SOX6: variants seen among roughly 807,000 people sequenced by gnomAD.
SOX6 encodes SRY-box transcription factor 6, also known as transcription factor SOX-6.
SOX6 carries 11 observed loss-of-function variants against 97.8 expected under a neutral mutation model. The observed-to-expected ratio is 0.11, with a 90% CI of 0.07 to 0.19. The LOEUF (loss-of-function observed/expected upper bound fraction) is 0.19. Among genes scored for constraint, SOX6 ranks in the 10% least tolerant of loss-of-function variants. SOX6 has a pLI of 1.00. For missense variants in SOX6, 810 were observed against 1,039.5 expected (o/e 0.78, Z 3.04); for synonymous variants, 360 against 371.4 (o/e 0.97, Z 0.35).
intron 6 of SOX6, among the ~76,000 whole-genome samples, chr11:16,129,518 G>A (rs1378306): frequency 6.6e-6 from 1 of 152,026 alleles, no homozygotes; most frequent in Non-Finnish European, 1.5e-5. Flanking sequence ...ATTTTCCCAA[G>A]GGTTAAGGTA....
chr11:16,054,051 C>T (rs1390749651), intron 10 of SOX6, among the ~76,000 whole-genome samples: 3 of 152,086 alleles, frequency 2.0e-5, no homozygotes. Context: ...CCAGAGAGAT[C>T]TCTAAGAATT....
At chr11:16,550,705 T>A (rs2133184438) in intron 4 of SOX6, among the ~76,000 whole-genome samples, 1 of 152,168 alleles carries the variant, frequency 6.6e-6, no homozygotes, top group East Asian at 1.9e-4. Context: ...CAAAAAGCAG[T>A]AAGGAAGAAA....
At chr11:16,471,386 A>T (rs2133115982) in intron 1 of SOX6, among the ~76,000 whole-genome samples, 1 of 152,254 alleles carries the variant, frequency 6.6e-6, no homozygotes, top group East Asian at 1.9e-4. Flanking sequence ...GTCAGTTCTC[A>T]CACACTTTTG....
At chr11:16,655,842 G>A (rs183457887) in intron 3 of SOX6, among the ~76,000 whole-genome samples, 7 of 151,946 alleles carry the variant, frequency 4.6e-5, no homozygotes, top group Admixed American at 1.3e-4. Context: ...CTGGCCAGGC[G>A]TGGTGGCATA....
chr11:16,393,448 G>C (rs553815298), intron 1 of SOX6, among the ~76,000 whole-genome samples: 1 of 151,900 alleles, frequency 6.6e-6, no homozygotes, highest in Admixed American at 6.6e-5. Flanking sequence ...ATATATATAA[G>C]TGACATACAC....
chr11:16,130,441 G>T (rs1849712455), intron 6 of SOX6, among the ~76,000 whole-genome samples: 1 of 151,828 alleles, frequency 6.6e-6, no homozygotes, highest in African/African-American at 2.4e-5. Flanking sequence ...TATCAAAATA[G>T]CATATCATAC....
intron 1 of SOX6, among the ~76,000 whole-genome samples, chr11:16,437,239 G>A (rs558398411): frequency 5.9e-5 from 9 of 151,442 alleles, no homozygotes; most frequent in South Asian, 4.2e-4. Flanking sequence ...ACTGCACTCC[G>A]GCCTGGGGGG....
chr11:16,139,951 TTA>T (rs149983908), intron 6 of SOX6, among the ~76,000 whole-genome samples: 182 of 124,548 alleles, frequency 1.5e-3, no homozygotes, highest in African/African-American at 2.7e-3. Flanking sequence ...GGCTCATATA[TTA>T]TATATATATA....
chr11:16,240,615 A>G (rs1036973888), intron 3 of SOX6, among the ~76,000 whole-genome samples: 1 of 152,022 alleles, frequency 6.6e-6, no homozygotes, highest in East Asian at 1.9e-4. Context: ...TAACACCTAT[A>G]ACAATAACAG....
intron 4 of SOX6, among the ~76,000 whole-genome samples, chr11:16,227,541 G>A (rs1852721926): frequency 6.6e-6 from 1 of 151,440 alleles, no homozygotes; most frequent in African/African-American, 2.4e-5. Flanking sequence ...TTCCTGCCTT[G>A]ACCTTCTGAG....
chr11:16,440,153 T>C (rs535795231), intron 1 of SOX6, among the ~76,000 whole-genome samples: 11 of 152,348 alleles, frequency 7.2e-5, no homozygotes, highest in African/African-American at 2.6e-4. Context: ...TGTCTGCTCA[T>C]GTTTCAAATT....
intron 4 of SOX6, among the ~76,000 whole-genome samples, chr11:16,494,895 G>C (rs1189352587): frequency 6.6e-6 from 1 of 152,130 alleles, no homozygotes; most frequent in African/African-American, 2.4e-5. Flanking sequence ...TAACAATATT[G>C]CTCCCAAGAG....
chr11:16,006,248 AC>A, intron 13 of SOX6, among the ~76,000 whole-genome samples: 1 of 152,142 alleles, frequency 6.6e-6, no homozygotes, highest in African/African-American at 2.4e-5. Flanking sequence ...AAACAACCTA[AC>A]TACTGCATTT....
intron 6 of SOX6, among the ~76,000 whole-genome samples, chr11:16,169,498 CAA>C (rs1285847226): frequency 1.3e-5 from 2 of 151,954 alleles, no homozygotes; most frequent in South Asian, 2.1e-4. Context: ...ATCAAGTTTA[CAA>C]AGTCTTTTTT....
intron 4 of SOX6, among the ~76,000 whole-genome samples, chr11:16,591,144 A>T (rs770064503): frequency 4.6e-5 from 7 of 152,088 alleles, no homozygotes; most frequent in Non-Finnish European, 1.0e-4. Flanking sequence ...TTGAAATGAG[A>T]AGGGGCATAA....
chr11:16,203,110 T>C (rs1184586623), intron 4 of SOX6, among the ~76,000 whole-genome samples: 1 of 152,226 alleles, frequency 6.6e-6, no homozygotes, highest in South Asian at 2.1e-4. Flanking sequence ...GAGCATCAAT[T>C]AGGAATTCTG....
chr11:16,103,782 C>T (rs959245190), intron 7 of SOX6, among the ~76,000 whole-genome samples: 26 of 151,456 alleles, frequency 1.7e-4, no homozygotes, highest in Non-Finnish European at 2.9e-4. Flanking sequence ...AAATGGAAAA[C>T]CAAGCATCGT....
rs1052416984 is a variant in SOX6 at position 16,522,819 on chromosome 11, T to G, written n.610-46431A>C. On this transcript the variant is annotated intron_variant and non_coding_transcript_variant, in intron 4 of 5. Coordinates refer to the SOX6 transcript ENST00000524520. The stretch of plus-strand genomic sequence containing the variant: ...AGCAAATGGAAAGCAAAAAAAGGCA[T>G]GGGTTGCAATCCTAGTCTCTGATAA... Among the ~76,000 whole-genome samples the G allele has an allele frequency of 2.0e-5, 3 of 152,088 alleles. 1 individual carries two copies. The highest frequency in any genetic ancestry group is 4.2e-4 in the South Asian group (2 of 4,806).
chr11:16,466,296 A>T (rs1223269708), intron 1 of SOX6, among the ~76,000 whole-genome samples: 1 of 152,232 alleles, frequency 6.6e-6, no homozygotes, highest in Non-Finnish European at 1.5e-5. Flanking sequence ...AACTTGAGAT[A>T]AAACTATATG....
Sources: gnomAD v4.1 joint callset for allele counts (sites outside exome capture counted in the v4.1 genomes callset) on GRCh38, gnomAD v4.1.1 for gene constraint, MANE v1.5 for transcripts, NCBI Gene and HGNC (gene_info 2026-07-23, HGNC 2026-07-21) for gene names.